The following CLPB variants were observed in gnomAD, a reference collection of about 807,000 sequenced individuals.
CLPB encodes mitochondrial disaggregase.
A neutral mutation model predicts 78.4 loss-of-function variants in CLPB; 40 were observed. That is an observed-to-expected ratio of 0.51 (90% CI 0.40 to 0.66). The LOEUF (loss-of-function observed/expected upper bound fraction) is 0.66, where lower values mean the gene tolerates loss of function less well. Among genes scored for constraint, CLPB ranks in the 30% least tolerant of loss-of-function variants. CLPB has a pLI of 0.00. For synonymous variants in CLPB, 333 were observed against 348.0 expected, an observed-to-expected ratio of 0.96 and a Z score of 0.48; for missense variants, 780 against 886.9, an observed-to-expected ratio of 0.88 and a Z score of 1.53.
chr11:72,356,007 C>T (rs959716280), intron 5 of CLPB, among the ~76,000 whole-genome samples: 3 of 152,082 alleles, frequency 2.0e-5, no homozygotes, highest in Admixed American at 6.6e-5. Flanking sequence ...TGGGGCTGGG[C>T]GCGGTAGCTC....
At chr11:72,319,255 G>C (rs936770102) in intron 6 of CLPB, among the ~76,000 whole-genome samples, 1 of 152,202 alleles carries the variant, frequency 6.6e-6, no homozygotes, top group East Asian at 1.9e-4. Flanking sequence ...CTTCCTGTTT[G>C]TCTCTCCTTC....
In CLPB at chr11:72,293,292, G is replaced by GT; in HGVS notation, c.*74dup. On this transcript the variant is annotated 3_prime_UTR_variant, in exon 16 of 16. Transcript: ENST00000538039. Reference sequence around the variant, plus strand: ...GAGATGGGAGCGGCATGAGGGGAAGGTAAGTCAGTTGCCATGCCACAGCCA... The same window carrying GT: ...GAGATGGGAGCGGCATGAGGGGAAGGTTAAGTCAGTTGCCATGCCACAGCCA... 6.5e-7 allele frequency: 1 copy of GT among 1,547,344 alleles called. No individual in the cohort carries two copies.
intron 6 of CLPB, among the ~76,000 whole-genome samples, chr11:72,319,744 G>A (rs184436030): frequency 1.3e-5 from 2 of 152,306 alleles, no homozygotes; most frequent in African/African-American, 4.8e-5. Context: ...AGAGTCTCTG[G>A]CACATAGCAT....
intron 2 of CLPB, among the ~76,000 whole-genome samples, chr11:72,425,953 C>A (rs1047655981): frequency 6.6e-6 from 1 of 152,110 alleles, no homozygotes; most frequent in Non-Finnish European, 1.5e-5. Context: ...GCACTGACCA[C>A]CCTATTGCCA....
At chr11:72,315,818 T>C (rs1724691956) in intron 7 of CLPB, among the ~76,000 whole-genome samples, 1 of 152,208 alleles carries the variant, frequency 6.6e-6, no homozygotes, top group Admixed American at 6.5e-5. Flanking sequence ...CAGGGAGGCC[T>C]GGCCTAGCCT....
At chr11:72,319,883 T>C (rs902425765) in intron 6 of CLPB, among the ~76,000 whole-genome samples, 12 of 152,206 alleles carry the variant, frequency 7.9e-5, no homozygotes, top group African/African-American at 2.9e-4. Flanking sequence ...GCCTTTTTGT[T>C]TTTGGTACTG....
intron 4 of CLPB, among the ~76,000 whole-genome samples, chr11:72,370,636 C>A (rs1232414259): frequency 6.6e-6 from 1 of 152,202 alleles, no homozygotes; most frequent in African/African-American, 2.4e-5. Context: ...GGGGCACATG[C>A]AGGCTGATAT....
intron 7 of CLPB, among the ~76,000 whole-genome samples, chr11:72,313,442 C>T (rs867853201): frequency 2.6e-5 from 4 of 152,326 alleles, no homozygotes; most frequent in Middle Eastern, 6.8e-3. Flanking sequence ...TCTTACAAGA[C>T]CTAACATTGT....
At chr11:72,432,681 C>T (rs779216991) in intron 1 of CLPB, among the ~76,000 whole-genome samples, 1 of 152,192 alleles carries the variant, frequency 6.6e-6, no homozygotes, top group Non-Finnish European at 1.5e-5. Flanking sequence ...CCCTTAGTGT[C>T]TATTTCAAAA....
At chr11:72,433,111 C>A (rs1396763758) in intron 1 of CLPB, among the ~76,000 whole-genome samples, 1 of 152,176 alleles carries the variant, frequency 6.6e-6, no homozygotes, top group Non-Finnish European at 1.5e-5. Flanking sequence ...CACCTTCCTT[C>A]TCCTGCCAAC....
intron 11 of CLPB, among the ~76,000 whole-genome samples, chr11:72,296,509 G>A (rs946576280): frequency 6.6e-6 from 1 of 152,180 alleles, no homozygotes; most frequent in African/African-American, 2.4e-5. Context: ...TCAGTTGAAG[G>A]GTACAGAGCC....
chr11:72,316,467 C>G (rs891418515), intron 7 of CLPB, among the ~76,000 whole-genome samples: 1 of 152,194 alleles, frequency 6.6e-6, no homozygotes, highest in South Asian at 2.1e-4. Context: ...CTGTATTCAG[C>G]AGAACCTTAG....
At chr11:72,334,645 C>T (rs911481498) in intron 5 of CLPB, among the ~76,000 whole-genome samples, 2 of 152,244 alleles carry the variant, frequency 1.3e-5, no homozygotes, top group Non-Finnish European at 2.9e-5. Flanking sequence ...ATGGCCCGTG[C>T]CCTGGCCTGA....
At chr11:72,433,448 G>A (rs542569818) in intron 1 of CLPB, among the ~76,000 whole-genome samples, 4 of 152,048 alleles carry the variant, frequency 2.6e-5, no homozygotes, top group East Asian at 3.9e-4. Flanking sequence ...GCTAAGGCAG[G>A]AGAATAGCTT....
intron 6 of CLPB, among the ~76,000 whole-genome samples, chr11:72,323,194 A>C (rs1950073235): frequency 6.6e-6 from 1 of 152,258 alleles, no homozygotes. Flanking sequence ...GAAATGCATA[A>C]TCTGAGTTTA....
chr11:72,392,228 G>A (rs1259153760), intron 3 of CLPB, among the ~76,000 whole-genome samples: 4 of 152,054 alleles, frequency 2.6e-5, no homozygotes, highest in Non-Finnish European at 5.9e-5. Context: ...TAGGATCACT[G>A]TGATGAGTGT....
chr11:72,309,801 AT>A (rs1949811920), intron 7 of CLPB, among the ~76,000 whole-genome samples: 1 of 152,240 alleles, frequency 6.6e-6, no homozygotes, highest in Non-Finnish European at 1.5e-5. Flanking sequence ...AGCATGTCTG[AT>A]CTGGTCCCCA....
chr11:72,335,748 T>C (rs56723028), intron 5 of CLPB, among the ~76,000 whole-genome samples: 5,832 of 152,300 alleles, frequency 0.038, 315 homozygotes, highest in African/African-American at 0.12. Flanking sequence ...GATACACTGC[T>C]ATATATCCTT....
At chr11:72,298,672 A>G (rs896831458) in intron 11 of CLPB, among the ~76,000 whole-genome samples, 2 of 152,064 alleles carry the variant, frequency 1.3e-5, no homozygotes, top group South Asian at 2.1e-4. Context: ...TGATTTTTGT[A>G]TTTTTTGTAG....
Sources: gnomAD v4.1 joint callset for allele counts (sites outside exome capture counted in the v4.1 genomes callset) on GRCh38, gnomAD v4.1.1 for gene constraint, MANE v1.5 for transcripts, NCBI Gene and HGNC (gene_info 2026-07-23, HGNC 2026-07-21) for gene names.